Variants in SMS observed in about 807,000 individuals in gnomAD.
The protein encoded by SMS is spermidine aminopropyltransferase.
In SMS, 3 loss-of-function variants were observed where a neutral mutation model predicts 33.0. The ratio of observed to expected loss-of-function variants is 0.09; its 90% confidence interval spans 0.04 to 0.23. The LOEUF (loss-of-function observed/expected upper bound fraction) is 0.23, where lower values mean the gene tolerates loss of function less well. Among genes scored for constraint, SMS ranks in the 10% least tolerant of loss-of-function variants. The pLI is 1.00. For missense variants in SMS, 117 were observed against 288.6 expected (o/e 0.41, Z 4.31); for synonymous variants, 103 against 112.2 (o/e 0.92, Z 0.52).
At chrX:21,950,755 G>T (rs752130067) in intron 1 of SMS, among the ~76,000 whole-genome samples, 38 of 110,982 alleles carry the variant, frequency 3.4e-4, no homozygotes, top group Non-Finnish European at 7.5e-5. Context: ...CATCATCCAT[G>T]TCCCTGCAAA....
intron 2 of SMS, among the ~76,000 whole-genome samples, chrX:21,970,747 T>G (rs1300679353): frequency 2.5e-5 from 2 of 78,702 alleles, no homozygotes; most frequent in African/African-American, 1.6e-4. Context: ...TATTTTTAGT[T>G]TTTTTTTTTT....
chrX:21,978,021 C>T lies in SMS; in HGVS notation c.567C>T (p.Tyr189=). The T allele has an allele frequency of 8.3e-7, 1 of 1,208,149 alleles. No homozygotes were observed. The highest frequency in any genetic ancestry group is 2.3e-4 in the Middle Eastern group (1 of 4,345). The change falls in exon 6 of 11, where the codon TAC becomes TAT. Residue 189 remains tyrosine, a synonymous_variant. Coordinates refer to ENST00000404933, the MANE Select transcript of SMS (RefSeq NM_004595.5). ...TCATGGGCAGTGGCAAAGAAGATTA[C>T]ACTGGCAAAGATGTACTCATTCTGG... ...RAIMGSGKED[Y]TGKDVLILGG...
chrX:21,989,598 C>T (rs1265078522), intron 9 of SMS, among the ~76,000 whole-genome samples: 2 of 112,040 alleles, frequency 1.8e-5, no homozygotes, highest in South Asian at 3.7e-4. Context: ...ACCACTTCCC[C>T]GCCCTCAAGT....
intron 9 of SMS, among the ~76,000 whole-genome samples, chrX:21,991,554 A>C (rs1157608128): frequency 8.9e-6 from 1 of 112,336 alleles, no homozygotes; most frequent in African/African-American, 3.2e-5. Flanking sequence ...CAGAGATTAA[A>C]AGGAAATAGG....
intron 1 of SMS, among the ~76,000 whole-genome samples, chrX:21,944,546 G>GAAAAAAGA (rs1555992711): frequency 4.7e-4 from 31 of 66,648 alleles, no homozygotes; most frequent in Non-Finnish European, 9.0e-4. Flanking sequence ...AAAAAAAAAA[G>GAAAAAAGA]AAAAAAAATT....
intron 1 of SMS, among the ~76,000 whole-genome samples, chrX:21,966,709 GA>G (rs1208958431): frequency 6.3e-5 from 7 of 111,402 alleles, no homozygotes; most frequent in African/African-American, 9.8e-5. Flanking sequence ...AAAACATGGG[GA>G]AAAAAAAGCT....
Position 21,940,882 on chromosome X carries a change from GCCCGCCGCCACCTGCGTGGCCATC to G in SMS, c.49+18_49+41del. 4 of 1,077,275 alleles carry G rather than the reference GCCCGCCGCCACCTGCGTGGCCATC, an allele frequency of 3.7e-6. No individual in the cohort carries two copies. The highest frequency in any genetic ancestry group is 4.2e-5 in the East Asian group (1 of 23,985). The allele number at this position is 1,077,275 out of a possible 1,213,427, so 88.8% of individuals were successfully genotyped here. On this transcript the variant is annotated intron_variant, in intron 1 of 10. Coordinates refer to ENST00000404933, the MANE Select transcript of SMS (RefSeq NM_004595.5). ...CATGCTCGGCGCCAAAGGTGAGGGC[GCCCGCCGCCACCTGCGTGGCCATC>G]CCCGCCGCTCCCGCCGCCTGGCGGG... is the stretch of plus-strand genomic sequence containing the variant.
At chrX:21,970,024 G>C (rs919681674) in intron 2 of SMS, among the ~76,000 whole-genome samples, 2 of 113,226 alleles carry the variant, frequency 1.8e-5, no homozygotes, top group African/African-American at 6.4e-5. Flanking sequence ...CGTTGCCCAG[G>C]CTGGTCTCGA....
Position 21,943,026 on chromosome X carries a change from A to C in SMS, c.49+2153A>C, listed in dbSNP as rs1157895519. ...AGCTAATTTTTTTTGTTGTTGTTTA[A>C]AGTAGAGACAGGGTTTCACCACGTT... On this transcript the variant is annotated intron_variant, in intron 1 of 10. Transcript: ENST00000404933. 2.7e-5 allele frequency among the ~76,000 whole-genome samples: 3 copies of C among 109,375 alleles called. No homozygotes were observed. The Admixed American group carries it at 2.9e-4, about 11-fold the overall frequency. The allele number at this position is 109,375 out of a possible 115,157, so 95.0% of individuals were successfully genotyped here.
intron 1 of SMS, among the ~76,000 whole-genome samples, chrX:21,960,931 G>A: frequency 9.1e-6 from 1 of 110,337 alleles, no homozygotes; most frequent in East Asian, 2.8e-4. Flanking sequence ...GGATGTGTGA[G>A]AATTGCATAT....
chrX:21,950,367 TGAGAA>T (rs1341081139), intron 1 of SMS, among the ~76,000 whole-genome samples: 1 of 109,743 alleles, frequency 9.1e-6, no homozygotes, highest in Non-Finnish European at 1.9e-5. Flanking sequence ...GGCTTGATGT[TGAGAA>T]GAGAGAGGAA....
At chrX:21,967,089 T>TTTATTTAC (rs1312783925) in intron 1 of SMS, 107 bp from the exon 2 acceptor site, 3 of 221,241 alleles carry the variant, frequency 1.4e-5, no homozygotes, top group Non-Finnish European at 1.3e-5. Flanking sequence ...TATTTATTTA[T>TTTATTTAC]TTACTTATTT....
chrX:21,989,366 G>A (rs1243957965), intron 9 of SMS, among the ~76,000 whole-genome samples: 2 of 111,772 alleles, frequency 1.8e-5, no homozygotes, highest in Non-Finnish European at 3.8e-5. Context: ...TAATCCCATA[G>A]TGAAGCCTCA....
intron 2 of SMS, among the ~76,000 whole-genome samples, chrX:21,968,355 C>G (rs937382931): frequency 8.9e-6 from 1 of 112,641 alleles, no homozygotes; most frequent in Non-Finnish European, 1.9e-5. Flanking sequence ...GTGCATTTCC[C>G]CCAGAAATTG....
At chrX:21,983,448 T>C (rs1317255312) in intron 7 of SMS, among the ~76,000 whole-genome samples, 1 of 111,134 alleles carries the variant, frequency 9.0e-6, no homozygotes, top group African/African-American at 3.3e-5. Flanking sequence ...TAACTCCTGT[T>C]TAGTTCAGGA....
chrX:21,991,202 A>G (rs1218394325), intron 9 of SMS, among the ~76,000 whole-genome samples: 2 of 109,715 alleles, frequency 1.8e-5, no homozygotes, highest in Admixed American at 1.9e-4. Context: ...TCTGAATTGG[A>G]GTTTCGCTCT....
chrX:21,985,008 C>T, intron 8 of SMS, 136 bp from the exon 9 acceptor site: 1 of 457,157 alleles, frequency 2.2e-6, no homozygotes, highest in Non-Finnish European at 4.0e-6. Context: ...TGAACAAGCT[C>T]TTTGAATAGT....
intron 4 of SMS, among the ~76,000 whole-genome samples, chrX:21,975,336 C>G (rs1164208183): frequency 1.8e-5 from 2 of 111,704 alleles, no homozygotes; most frequent in African/African-American, 6.5e-5. Flanking sequence ...TTTAAAAAAA[C>G]CATAGAGTTA....
intron 1 of SMS, among the ~76,000 whole-genome samples, chrX:21,956,729 A>C: frequency 9.0e-6 from 1 of 111,130 alleles, no homozygotes; most frequent in South Asian, 3.8e-4. Context: ...TGGCCTCCTA[A>C]AGTGCTGGGA....
Sources: allele counts gnomAD v4.1 joint callset (sites outside exome capture counted in the v4.1 genomes callset), GRCh38; gene constraint gnomAD v4.1.1; transcripts MANE v1.5; gene names NCBI Gene and HGNC (gene_info 2026-07-23, HGNC 2026-07-21).